RGMA: variants seen among roughly 807,000 people sequenced by gnomAD.
The protein encoded by RGMA is repulsive guidance molecule A.
A neutral mutation model predicts 23.2 loss-of-function variants in RGMA; 10 were observed. That is an observed-to-expected ratio of 0.43 (90% CI 0.27 to 0.73). The LOEUF (loss-of-function observed/expected upper bound fraction) is 0.73, where lower values mean the gene tolerates loss of function less well. Ranked by LOEUF, RGMA falls within the 30% of genes least tolerant of loss-of-function variation. The pLI is 0.20. For missense variants in RGMA, 547 were observed against 630.5 expected (o/e 0.87, Z 1.42); for synonymous variants, 308 against 279.3 (o/e 1.10, Z -1.03).
intron 2 of RGMA, among the ~76,000 whole-genome samples, chr15:93,056,211 G>A (rs967227669): frequency 6.6e-6 from 1 of 152,224 alleles, no homozygotes; most frequent in Non-Finnish European, 1.5e-5. Flanking sequence ...CCAAGCTAGT[G>A]CCTGATGGAG....
intron 1 of RGMA, among the ~76,000 whole-genome samples, chr15:93,082,815 C>T (rs1316886966): frequency 1.3e-5 from 2 of 152,192 alleles, no homozygotes; most frequent in Non-Finnish European, 2.9e-5. Flanking sequence ...CTGTAGATCA[C>T]GTATTCATAG....
intron 1 of RGMA, chr15:93,074,078 G>T: frequency 8.3e-7 from 1 of 1,204,938 alleles, no homozygotes; most frequent in Non-Finnish European, 1.1e-6. Context: ...CTGCCGTTGT[G>T]ATATTTAAGG....
intron 1 of RGMA, among the ~76,000 whole-genome samples, chr15:93,082,454 T>C (rs1895573936): frequency 6.6e-6 from 1 of 152,182 alleles, no homozygotes; most frequent in African/African-American, 2.4e-5. Context: ...CTAAGTCTTG[T>C]CTAAGGACCA....
At position 93,065,879 on chromosome 15, in the gene RGMA, C is replaced by T. The variant is rs916513671; in HGVS notation, c.130+7037G>A. On this transcript the variant is annotated intron_variant, in intron 2 of 3. Transcript: ENST00000329082. ...CAATGGGGCTCTTTGGGCTCTACCC[C>T]GTCAGTGCTCTCTGTAGGCTGTTGC... 5.2e-5 allele frequency: 38 copies of T among 729,262 alleles called. 1 individual carries two copies. Among genetic ancestry groups the T allele is most frequent in the Non-Finnish European group, 6.9e-5 (28 of 404,646 alleles). 45.2% of individuals were successfully genotyped at this position (729,262 alleles called of 1,614,324 possible). A position where few individuals can be genotyped will look rare whatever the true frequency, so the allele number is the denominator to read the frequency against.
chr15:93,087,497 GT>G (rs1895658107), intron 1 of RGMA, among the ~76,000 whole-genome samples: 1 of 109,472 alleles, frequency 9.1e-6, no homozygotes, highest in Non-Finnish European at 1.9e-5. Flanking sequence ...ACAAAACCCA[GT>G]TTGGGTACAC....
rs1354673244 is a variant in RGMA, at chr15:93,036,146, G to C, written c.*8852C>G. On this transcript the variant is annotated 3_prime_UTR_variant, in exon 4 of 4. Transcript: ENST00000329082. ...ACCACTAGAGGTCAGTCCCGTGAGGGCGGGCACATTCATTCGAGCGACCAC... is the reference window on the plus strand; with the variant it reads ...ACCACTAGAGGTCAGTCCCGTGAGGCCGGGCACATTCATTCGAGCGACCAC... 6.6e-6 allele frequency: 1 copy of C among 152,218 alleles called. No individual in the cohort carries two copies. Among genetic ancestry groups the C allele is most frequent in the Non-Finnish European group, 1.5e-5 (1 of 68,042 alleles). 9.4% of individuals were successfully genotyped at this position (152,218 alleles called of 1,614,324 possible). A position where few individuals can be genotyped will look rare whatever the true frequency, so the allele number is the denominator to read the frequency against.
rs956525051 is a variant in RGMA, at chr15:93,044,636, T to C, written c.*362A>G. On this transcript the variant is annotated 3_prime_UTR_variant, in exon 4 of 4. Transcript: ENST00000329082. ...CGGCGAGCAGCAGTCGGCCGGGCCT[T>C]TCAGTGCATTGCGAGGGGGAAGGAG... 6.4e-6 allele frequency: 2 copies of C among 311,784 alleles called. No individual in the cohort carries two copies. Among genetic ancestry groups the C allele is most frequent in the Admixed American group, 9.3e-5 (2 of 21,400 alleles). 19.3% of individuals were successfully genotyped at this position (311,784 alleles called of 1,614,324 possible).
At chr15:93,056,914 C>T (rs1375106630) in intron 2 of RGMA, among the ~76,000 whole-genome samples, 1 of 152,194 alleles carries the variant, frequency 6.6e-6, no homozygotes, top group Admixed American at 6.5e-5. Flanking sequence ...CAGTGGGGTA[C>T]AATGCTTGCA....
intron 1 of RGMA, among the ~76,000 whole-genome samples, chr15:93,082,733 C>T (rs969541676): frequency 6.6e-6 from 1 of 152,200 alleles, no homozygotes; most frequent in Non-Finnish European, 1.5e-5. Context: ...CCCATCCATC[C>T]TAGAGACCAA....
At chr15:93,065,692 G>C (rs1895121162) in intron 2 of RGMA, 4 of 1,169,000 alleles carry the variant, frequency 3.4e-6, no homozygotes, top group Non-Finnish European at 3.7e-6. Context: ...CTGGAAGTAG[G>C]GGTGGTTTCG....
intron 1 of RGMA, among the ~76,000 whole-genome samples, chr15:93,081,437 T>A (rs997221866): frequency 1.3e-5 from 2 of 152,328 alleles, no homozygotes; most frequent in Admixed American, 1.3e-4. Flanking sequence ...AACAATACTA[T>A]AGTATACCTG....
intron 1 of RGMA, among the ~76,000 whole-genome samples, chr15:93,081,562 T>C (rs988527993): frequency 6.6e-6 from 1 of 152,244 alleles, no homozygotes; most frequent in South Asian, 2.1e-4. Flanking sequence ...ACAGCGCTTA[T>C]GTCTCCCCAT....
At chr15:93,047,525 A>ACC (rs1465813078) in intron 3 of RGMA, among the ~76,000 whole-genome samples, 2 of 151,418 alleles carry the variant, frequency 1.3e-5, no homozygotes, top group Non-Finnish European at 2.9e-5. Context: ...CCCGGCAACT[A>ACC]CCCCCACCAC....
At chr15:93,074,422 A>G (rs928480512) in intron 1 of RGMA, among the ~76,000 whole-genome samples, 4 of 152,068 alleles carry the variant, frequency 2.6e-5, no homozygotes, top group Non-Finnish European at 5.9e-5. Flanking sequence ...TGAAGACACA[A>G]CCCCAGCAGC....
intron 2 of RGMA, among the ~76,000 whole-genome samples, chr15:93,071,929 G>T (rs905059690): frequency 2.6e-5 from 4 of 152,338 alleles, no homozygotes; most frequent in Middle Eastern, 3.4e-3. Flanking sequence ...CCTTGCGCCG[G>T]GGGGGCCATT....
At chr15:93,051,561 C>T (rs62045486) in intron 3 of RGMA, among the ~76,000 whole-genome samples, 10,792 of 152,282 alleles carry the variant, frequency 0.071, 447 homozygotes, top group Non-Finnish European at 0.089. Context: ...GCTGCGGCCC[C>T]ATGAGCAGGA....
intron 1 of RGMA, among the ~76,000 whole-genome samples, chr15:93,085,085 T>C (rs1895616253): frequency 6.6e-6 from 1 of 151,722 alleles, no homozygotes; most frequent in Admixed American, 6.6e-5. Context: ...TTATCAAAAC[T>C]CTTACTGAGA....
At chr15:93,052,977 T>A (rs191410712) in intron 2 of RGMA, among the ~76,000 whole-genome samples, 1 of 152,222 alleles carries the variant, frequency 6.6e-6, no homozygotes, top group African/African-American at 2.4e-5. Context: ...TCTCTGTGCC[T>A]TGTTATACTC....
chr15:93,071,293 T>A (rs1305790156), intron 2 of RGMA, among the ~76,000 whole-genome samples: 9 of 152,240 alleles, frequency 5.9e-5, no homozygotes. Context: ...TAATTTTGAA[T>A]TCTTGGGAGG....
Sources: allele counts gnomAD v4.1 joint callset (sites outside exome capture counted in the v4.1 genomes callset), GRCh38; gene constraint gnomAD v4.1.1; transcripts MANE v1.5; gene names NCBI Gene and HGNC (gene_info 2026-07-23, HGNC 2026-07-21).